The following VRK1 variants were observed in gnomAD, a reference collection of about 807,000 sequenced individuals.
The protein encoded by VRK1 is VRK serine/threonine kinase 1.
In VRK1, 33 loss-of-function variants were observed where a neutral mutation model predicts 57.1. That is an observed-to-expected ratio of 0.58 (90% CI 0.44 to 0.77). VRK1 has a LOEUF of 0.77. VRK1 is among the 30% of genes least tolerant of loss of function. VRK1 has a pLI of 0.00. For synonymous variants in VRK1, 137 were observed against 147.8 expected (o/e 0.93, Z 0.53); for missense variants, 413 against 477.3 (o/e 0.87, Z 1.25).
chr14:96,804,473 GT>G (rs1885791105), intron 1 of VRK1, among the ~76,000 whole-genome samples: 1 of 152,196 alleles, frequency 6.6e-6, no homozygotes, highest in Admixed American at 6.5e-5. Flanking sequence ...GCAAAGATCT[GT>G]TCTAGAGAAA....
At chr14:96,820,829 C>T (rs1168586170) in intron 1 of VRK1, among the ~76,000 whole-genome samples, 1 of 152,128 alleles carries the variant, frequency 6.6e-6, no homozygotes, top group Non-Finnish European at 1.5e-5. Context: ...ATGTTACTGC[C>T]TTAGATGATG....
chr14:96,855,219 T>C lies in VRK1; in HGVS notation c.577-5T>C, dbSNP rs369698471. 1.6e-5 allele frequency: 26 copies of C among 1,613,972 alleles called. No individual in the cohort carries two copies. The highest frequency in any genetic ancestry group is 1.9e-5 in the Non-Finnish European group (23 of 1,179,878). On this transcript the variant is annotated splice_region_variant and splice_polypyrimidine_tract_variant and intron_variant, in intron 7 of 12. Transcript: ENST00000216639. Reference sequence around the variant, plus strand: ...TAGTTTGTCTTGGTGCTTGGAAATTTATAGGTGTACTTGGTAGATTATGGC... The same window carrying C: ...TAGTTTGTCTTGGTGCTTGGAAATTCATAGGTGTACTTGGTAGATTATGGC...
chr14:96,830,544 TAGTC>T (rs1886964105), intron 1 of VRK1, among the ~76,000 whole-genome samples: 1 of 152,202 alleles, frequency 6.6e-6, no homozygotes, highest in East Asian at 1.9e-4. Flanking sequence ...TGATTGATGT[TAGTC>T]TGTACATAAA....
intron 12 of VRK1, 69 bp downstream of exon 12, chr14:96,876,189 A>AG: frequency 6.9e-7 from 1 of 1,439,738 alleles, no homozygotes; most frequent in Admixed American, 1.7e-5. Flanking sequence ...CCATTAGATG[A>AG]GGGGTCAACT....
chr14:96,857,921 A>G (rs1235605301), intron 10 of VRK1, among the ~76,000 whole-genome samples: 1 of 152,246 alleles, frequency 6.6e-6, no homozygotes, highest in Non-Finnish European at 1.5e-5. Flanking sequence ...TTTAAAATTT[A>G]TAGAAATGGA....
At chr14:96,853,303 T>G in intron 7 of VRK1, 137 bp downstream of exon 7, 1 of 755,314 alleles carries the variant, frequency 1.3e-6, no homozygotes, top group Non-Finnish European at 2.2e-6. Flanking sequence ...CTTGACACTT[T>G]GATCTAGTTA....
At chr14:96,871,523 G>A (rs1395476063) in intron 11 of VRK1, among the ~76,000 whole-genome samples, 1 of 152,208 alleles carries the variant, frequency 6.6e-6, no homozygotes, top group Non-Finnish European at 1.5e-5. Context: ...AGTGCTTATA[G>A]CAAAACAAAT....
intron 10 of VRK1, among the ~76,000 whole-genome samples, chr14:96,859,866 C>A (rs1325241746): frequency 1.3e-5 from 2 of 151,998 alleles, no homozygotes; most frequent in African/African-American, 4.8e-5. Context: ...ATTTACACAT[C>A]CAAGGACCAG....
chr14:96,852,703 G>GT, intron 5 of VRK1, 128 bp from the exon 6 acceptor site: 2 of 736,900 alleles, frequency 2.7e-6, no homozygotes, highest in Non-Finnish European at 4.7e-6. Flanking sequence ...TCAAATGTTT[G>GT]TATTTCTTTT....
chr14:96,843,743 T>A (rs1259301255), intron 3 of VRK1, among the ~76,000 whole-genome samples: 2 of 152,302 alleles, frequency 1.3e-5, no homozygotes, highest in Non-Finnish European at 1.5e-5. Flanking sequence ...AAAATTTTAG[T>A]TATGAGTTAA....
chr14:96,815,910 T>C (rs1168790070), intron 1 of VRK1, among the ~76,000 whole-genome samples: 2 of 151,870 alleles, frequency 1.3e-5, no homozygotes, highest in African/African-American at 4.8e-5. Context: ...ATCTTCTTGC[T>C]CTGTCCACTC....
At chr14:96,849,816 A>G (rs963021215) in intron 5 of VRK1, among the ~76,000 whole-genome samples, 1 of 152,162 alleles carries the variant, frequency 6.6e-6, no homozygotes, top group Admixed American at 6.5e-5. Context: ...GTCATATCAC[A>G]TTTTACCATA....
At position 96,849,143 on chromosome 14, in the gene VRK1, T is replaced by C. The variant is rs916565539; in HGVS notation, c.374+1799T>C. Reference sequence around the variant, plus strand: ...TAGTAGGTAGTCAGAAGCTATCACTTGCTCTTGAGCAAGGGATGAGGTGAC... The same window carrying C: ...TAGTAGGTAGTCAGAAGCTATCACTCGCTCTTGAGCAAGGGATGAGGTGAC... On this transcript the variant is annotated intron_variant, in intron 5 of 12. Transcript: ENST00000216639. Among the ~76,000 whole-genome samples the C allele has an allele frequency of 5.9e-5, 9 of 152,202 alleles. No homozygotes were observed. The East Asian group carries it at 1.7e-3, about 29-fold the overall frequency.
chr14:96,826,986 C>A (rs748201074), intron 1 of VRK1, among the ~76,000 whole-genome samples: 1 of 152,120 alleles, frequency 6.6e-6, no homozygotes, highest in Admixed American at 6.5e-5. Flanking sequence ...GAAAGGGAAC[C>A]TGAGACACAG....
chr14:96,855,300 A>C lies in VRK1; in HGVS notation c.653A>C (p.Lys218Thr). The C allele has an allele frequency of 6.2e-7, 1 of 1,614,110 alleles. No homozygotes were observed. Residue 218 changes from lysine to threonine, a missense_variant, in exon 8 of 13, where the codon AAA becomes ACA. Transcript: ENST00000216639. ...GVHKEYKEDP[K>T]RCHDGTIEFT... The stretch of plus-strand genomic sequence containing the variant: ...CATAAAGAATACAAAGAAGACCCCA[A>C]AAGATGTCACGATGGCACTATTGAA...
chr14:96,823,814 A>G, intron 1 of VRK1, among the ~76,000 whole-genome samples: 1 of 152,182 alleles, frequency 6.6e-6, no homozygotes, highest in East Asian at 1.9e-4. Context: ...CACTTAGCAT[A>G]ACTGTCCTCA....
At chr14:96,817,060 AG>A in intron 1 of VRK1, among the ~76,000 whole-genome samples, 1 of 152,218 alleles carries the variant, frequency 6.6e-6, no homozygotes, top group Non-Finnish European at 1.5e-5. Flanking sequence ...TAATCTTGGA[AG>A]GGGTTAGTAG....
intron 11 of VRK1, among the ~76,000 whole-genome samples, chr14:96,872,079 G>A (rs1888843355): frequency 6.6e-6 from 1 of 152,100 alleles, no homozygotes; most frequent in Non-Finnish European, 1.5e-5. Context: ...TGCTGGGATT[G>A]TAGGCGTGAG....
intron 3 of VRK1, among the ~76,000 whole-genome samples, chr14:96,845,045 C>A (rs1887623453): frequency 6.6e-6 from 1 of 152,054 alleles, no homozygotes. Flanking sequence ...AGGTAGTAGG[C>A]CTCATTACTC....
Sources: allele counts gnomAD v4.1 joint callset (sites outside exome capture counted in the v4.1 genomes callset), GRCh38; gene constraint gnomAD v4.1.1; transcripts MANE v1.5; gene names NCBI Gene and HGNC (gene_info 2026-07-23, HGNC 2026-07-21).